The following TSPAN15 variants were observed in gnomAD, a reference collection of about 807,000 sequenced individuals.
TSPAN15 encodes tetraspanin-15.
A neutral mutation model predicts 34.5 loss-of-function variants in TSPAN15; 20 were observed. That is an observed-to-expected ratio of 0.58 (90% CI 0.41 to 0.84). The LOEUF (loss-of-function observed/expected upper bound fraction) is 0.84. Ranked by LOEUF, TSPAN15 falls within the 40% of genes least tolerant of loss-of-function variation. The pLI is 0.00. For missense variants in TSPAN15, 313 were observed against 386.1 expected (o/e 0.81, Z 1.59); for synonymous variants, 155 against 153.9 (o/e 1.01, Z -0.05).
At chr10:69,524,310 A>G in the TSPAN15 span, among the ~76,000 whole-genome samples, 46 of 147,432 alleles carry the variant, frequency 3.1e-4, 5 homozygotes, top group Non-Finnish European at 5.7e-4. Context: ...TCTACTAACA[A>G]TACAAAAATT....
rs1025378199 is a variant in TSPAN15, at chr10:69,507,289, A to G, written c.*311A>G. The G allele has an allele frequency of 7.7e-7, 1 of 1,298,864 alleles. No individual in the cohort carries two copies. The highest frequency in any genetic ancestry group is 9.8e-7 in the Non-Finnish European group (1 of 1,016,474). 80.5% of individuals were successfully genotyped at this position (1,298,864 alleles called of 1,614,324 possible). A position where few individuals can be genotyped will look rare whatever the true frequency, so the allele number is the denominator to read the frequency against. On this transcript the variant is annotated 3_prime_UTR_variant, in exon 8 of 8. Coordinates refer to ENST00000373290, the MANE Select transcript of TSPAN15 (RefSeq NM_012339.5). ...GAGCCTGAGGCTCTGCTCAGGGCCC[A>G]TTTCATCTCTGGCAGTGCCTTGGCG... is the stretch of plus-strand genomic sequence containing the variant.
At chr10:69,462,097 C>T (rs1396431058) in intron 1 of TSPAN15, among the ~76,000 whole-genome samples, 1 of 151,722 alleles carries the variant, frequency 6.6e-6, no homozygotes, top group East Asian at 1.9e-4. Context: ...CCTCCCACCT[C>T]AGCCTCCTGA....
At chr10:69,496,735 C>T (rs574328512) in intron 4 of TSPAN15, among the ~76,000 whole-genome samples, 1 of 152,314 alleles carries the variant, frequency 6.6e-6, no homozygotes, top group South Asian at 2.1e-4. Context: ...CATGCAGGGC[C>T]ACTTGCTGTG....
At chr10:69,529,698 TTTAC>T in the TSPAN15 span, among the ~76,000 whole-genome samples, 1 of 147,690 alleles carries the variant, frequency 6.8e-6, no homozygotes, top group Non-Finnish European at 1.5e-5. Flanking sequence ...TTTTTATTAG[TTTAC>T]TTTATTTCAA....
Position 69,506,968 on chromosome 10 carries a change from A to G in TSPAN15, c.875A>G (p.Tyr292Cys). 1 of 1,607,392 alleles carries G rather than the reference A, an allele frequency of 6.2e-7. No homozygotes were observed. Among genetic ancestry groups the G allele is most frequent in the South Asian group, 1.1e-5 (1 of 89,274 alleles). The stretch of plus-strand genomic sequence containing the variant: ...GCAGGCACGGGATGCTGCTTGTGCT[A>G]CCCCAATTAGGGCCCAGCCTGCCAT... ...EAAGTGCCLC[Y>C]PN The change falls in exon 8 of 8, where the codon TAC becomes TGC. Residue 292 changes from tyrosine (Y) to cysteine (C), a missense_variant. Tyr to Cys is a radical substitution (Grantham distance 194). Coordinates refer to ENST00000373290, the MANE Select transcript of TSPAN15 (RefSeq NM_012339.5). This position sits in a 1 kb window ranked among gnomAD's most constrained non-coding sequence, Gnocchi z 4.7.
Position 69,483,709 on chromosome 10 carries a change from C to G in TSPAN15, c.115C>G (p.Leu39Val). 1.2e-6 allele frequency: 2 copies of G among 1,614,056 alleles called. No individual in the cohort carries two copies. Among genetic ancestry groups the G allele is most frequent in the African/African-American group, 2.7e-5 (2 of 75,054 alleles). Residue 39 changes from leucine to valine, a missense_variant, in exon 2 of 8, where the codon CTG becomes GTG. Transcript: ENST00000373290. ...GCTGCAGCTGATTGGGGCCCTGGTC[C>G]TGTCTGTGGGCATCTATGCAGAGGT... ...TVFWLIGALV[L>V]SVGIYAEVER...
In TSPAN15 at chr10:69,466,232, T is replaced by G. The variant is rs925941827; in HGVS notation, c.96+14542T>G. ...CCTGATGAGGGAGGGTGGCCTGTGGTGTGACAGAGCACTGGCCTGGGAGCT... is the reference window on the plus strand; with the variant it reads ...CCTGATGAGGGAGGGTGGCCTGTGGGGTGACAGAGCACTGGCCTGGGAGCT... On this transcript the variant is annotated intron_variant, in intron 1 of 7. Coordinates refer to ENST00000373290, the MANE Select transcript of TSPAN15 (RefSeq NM_012339.5). 7.2e-5 allele frequency among the ~76,000 whole-genome samples: 11 copies of G among 152,332 alleles called. No homozygotes were observed. In the South Asian group the frequency reaches 2.3e-3, roughly 32 times the overall value.
the TSPAN15 span, among the ~76,000 whole-genome samples, chr10:69,532,142 C>T: frequency 2.6e-5 from 4 of 152,050 alleles, no homozygotes; most frequent in Non-Finnish European, 4.4e-5. Context: ...ATGCAATTCC[C>T]CTAAAAATAC....
At chr10:69,539,482 G>GAGGAGA in the TSPAN15 span, among the ~76,000 whole-genome samples, 1 of 67,030 alleles carries the variant, frequency 1.5e-5, no homozygotes, top group African/African-American at 5.6e-5. Flanking sequence ...GAAGGAGAAG[G>GAGGAGA]AGAAGAAGAA....
intron 1 of TSPAN15, among the ~76,000 whole-genome samples, chr10:69,469,960 A>C (rs143959367): frequency 6.6e-6 from 1 of 152,314 alleles, no homozygotes; most frequent in East Asian, 1.9e-4. Flanking sequence ...GAATCAAAGA[A>C]CTGTCTGATG....
chr10:69,491,617 C>T (rs1188258497), intron 3 of TSPAN15, among the ~76,000 whole-genome samples: 1 of 152,224 alleles, frequency 6.6e-6, no homozygotes, highest in African/African-American at 2.4e-5. Flanking sequence ...CCTGCCTTGG[C>T]ATCCCAAAGT....
intron 3 of TSPAN15, among the ~76,000 whole-genome samples, chr10:69,486,069 G>A (rs1263170334): frequency 2.0e-5 from 3 of 152,202 alleles, no homozygotes; most frequent in Non-Finnish European, 4.4e-5. Flanking sequence ...CCTTGGGCGA[G>A]TTACTTGGCC....
At chr10:69,460,671 T>C (rs1841232125) in intron 1 of TSPAN15, among the ~76,000 whole-genome samples, 1 of 152,116 alleles carries the variant, frequency 6.6e-6, no homozygotes, top group South Asian at 2.1e-4. Flanking sequence ...TTCATCTCTT[T>C]GGATTCTCAG....
intron 1 of TSPAN15, among the ~76,000 whole-genome samples, chr10:69,460,228 T>G (rs1176620476): frequency 1.3e-5 from 2 of 151,412 alleles, no homozygotes. Context: ...CTCCCACCCC[T>G]TAGTTTCTGG....
At chr10:69,468,977 G>A (rs1841447873) in intron 1 of TSPAN15, among the ~76,000 whole-genome samples, 1 of 148,144 alleles carries the variant, frequency 6.8e-6, no homozygotes, top group Non-Finnish European at 1.5e-5. Context: ...ACGCTGATGC[G>A]ATGACTTAGG....
chr10:69,517,162 C>T, the TSPAN15 span, among the ~76,000 whole-genome samples: 4 of 152,198 alleles, frequency 2.6e-5, no homozygotes, highest in East Asian at 5.8e-4. Flanking sequence ...CCTGTCACCT[C>T]GCTGGTGGCT....
At chr10:69,478,746 TTTTA>T (rs1276481374) in intron 1 of TSPAN15, among the ~76,000 whole-genome samples, 1 of 152,246 alleles carries the variant, frequency 6.6e-6, no homozygotes, top group African/African-American at 2.4e-5. Flanking sequence ...ATTATTAACA[TTTTA>T]TACAACCAAA....
At position 69,451,473 on chromosome 10, in the gene TSPAN15, C is replaced by G; in HGVS notation, c.-122C>G. On this transcript the variant is annotated 5_prime_UTR_variant, in exon 1 of 8. Coordinates refer to ENST00000373290, the MANE Select transcript of TSPAN15 (RefSeq NM_012339.5). Reference sequence around the variant, plus strand: ...GATTGCCGCGCTCCAGTGTCAGTCCCGGAGAGAACGCCGGTGGCGGGGCTG... The same window carrying G: ...GATTGCCGCGCTCCAGTGTCAGTCCGGGAGAGAACGCCGGTGGCGGGGCTG... 7.7e-7 allele frequency: 1 copy of G among 1,301,330 alleles called. No homozygotes were observed. The highest frequency in any genetic ancestry group is 9.8e-7 in the Non-Finnish European group (1 of 1,025,202). 80.6% of individuals were successfully genotyped at this position (1,301,330 alleles called of 1,614,324 possible). A position where few individuals can be genotyped will look rare whatever the true frequency, so the allele number is the denominator to read the frequency against.
In TSPAN15 at chr10:69,506,218, TC is replaced by T; in HGVS notation, c.715del (p.Leu239TrpfsTer13). On this transcript the variant is annotated frameshift_variant, in exon 7 of 8. Coordinates refer to ENST00000373290, the MANE Select transcript of TSPAN15 (RefSeq NM_012339.5). LOFTEE classifies it high-confidence loss of function. This position sits in a 1 kb window ranked among gnomAD's most constrained non-coding sequence, Gnocchi z 4.7. The stretch of plus-strand genomic sequence containing the variant: ...AACTACACCATCATGGCGGGCATCC[TC>T]CTGGGCATCCTGCTTCCCCAGGTGG... ...MDNYTIMAGI[L>X]LGILLPQFLG... 3 of 1,614,144 alleles carry T rather than the reference TC, an allele frequency of 1.9e-6. No individual in the cohort carries two copies. The highest frequency in any genetic ancestry group is 2.5e-6 in the Non-Finnish European group (3 of 1,180,000).
Sources: gnomAD v4.1 joint callset for allele counts (sites outside exome capture counted in the v4.1 genomes callset) on GRCh38, gnomAD v4.1.1 for gene constraint, Gnocchi (gnomAD v3.1) non-coding constraint, MANE v1.5 for transcripts, NCBI Gene and HGNC (gene_info 2026-07-23, HGNC 2026-07-21) for gene names.